The following SREK1IP1 variants were observed in gnomAD, a reference collection of about 807,000 sequenced individuals.
The protein encoded by SREK1IP1 is SREK1 interacting protein 1.
In SREK1IP1, 12 loss-of-function variants were observed where a neutral mutation model predicts 22.8. The observed-to-expected ratio is 0.53, with a 90% CI of 0.34 to 0.85. The LOEUF is 0.85. Among genes scored for constraint, SREK1IP1 ranks in the 40% least tolerant of loss-of-function variants. SREK1IP1 has a pLI of 0.02. For synonymous variants in SREK1IP1, 53 were observed against 52.7 expected (o/e 1.01, Z -0.02); for missense variants, 147 against 171.8 (o/e 0.86, Z 0.81).
At chr5:64,743,771 G>A (rs768734760) in intron 2 of SREK1IP1, among the ~76,000 whole-genome samples, 6 of 151,976 alleles carry the variant, frequency 3.9e-5, no homozygotes, top group Non-Finnish European at 7.4e-5. Context: ...TTTATTGTTC[G>A]TGAGTTTCCA....
intron 2 of SREK1IP1, among the ~76,000 whole-genome samples, chr5:64,743,746 A>G (rs1742587788): frequency 6.6e-6 from 1 of 152,212 alleles, no homozygotes; most frequent in East Asian, 1.9e-4. Context: ...GAAGATCATT[A>G]CTTTATCTTT....
intron 2 of SREK1IP1, among the ~76,000 whole-genome samples, chr5:64,742,317 G>GT (rs1474700740): frequency 2.0e-5 from 3 of 152,138 alleles, no homozygotes; most frequent in African/African-American, 7.2e-5. Context: ...CATGTACTAG[G>GT]TTTTCTTTAG....
At chr5:64,739,320 GAA>G (rs1742515782) in intron 3 of SREK1IP1, among the ~76,000 whole-genome samples, 1 of 152,078 alleles carries the variant, frequency 6.6e-6, no homozygotes, top group Non-Finnish European at 1.5e-5. Flanking sequence ...CCAGTCTAAA[GAA>G]CCTATGTTTT....
chr5:64,745,524 G>C (rs1001780204), intron 2 of SREK1IP1, among the ~76,000 whole-genome samples: 2 of 151,960 alleles, frequency 1.3e-5, no homozygotes, highest in African/African-American at 4.8e-5. Flanking sequence ...GGGAGGTGGA[G>C]GTTGCAGTGA....
intron 3 of SREK1IP1, 100 bp downstream of exon 3, chr5:64,740,957 A>G: frequency 2.7e-6 from 3 of 1,126,908 alleles, no homozygotes; most frequent in South Asian, 1.6e-5. Flanking sequence ...GCTCTTACAT[A>G]AACTATAAAA....
At chr5:64,758,039 AT>A (rs1742878218) in intron 1 of SREK1IP1, among the ~76,000 whole-genome samples, 2 of 150,352 alleles carry the variant, frequency 1.3e-5, no homozygotes, top group Non-Finnish European at 1.5e-5. Flanking sequence ...CGCCAGGCTA[AT>A]TTTTTGTATT....
intron 2 of SREK1IP1, 110 bp from the exon 3 acceptor site, chr5:64,741,310 T>C (rs1032906371): frequency 5.7e-6 from 6 of 1,045,410 alleles, no homozygotes; most frequent in African/African-American, 1.6e-5. Context: ...TTCAATAATA[T>C]AATGTAGAAA....
At chr5:64,761,752 G>A (rs138665677) in intron 1 of SREK1IP1, among the ~76,000 whole-genome samples, 1 of 152,342 alleles carries the variant, frequency 6.6e-6, no homozygotes, top group East Asian at 1.9e-4. Flanking sequence ...CCAGTTGCCA[G>A]CTAAGAAATA....
chr5:64,721,933 G>A lies in SREK1IP1; in HGVS notation c.*2451C>T, dbSNP rs1235559358. 1.3e-5 allele frequency: 2 copies of A among 152,070 alleles called. No individual in the cohort carries two copies. The highest frequency in any genetic ancestry group is 2.9e-5 in the Non-Finnish European group (2 of 68,012). The allele number at this position is 152,070 out of a possible 1,614,324, so 9.4% of individuals were successfully genotyped here. A position where few individuals can be genotyped will look rare whatever the true frequency, so the allele number is the denominator to read the frequency against. On this transcript the variant is annotated 3_prime_UTR_variant, in exon 5 of 5. Transcript: ENST00000513458. ...TATTTTATAGACGAAAGACACCAAG[G>A]CCCAGGGAAACTAAGTGACTTTGTT...
Position 64,740,010 on chromosome 5 carries a change from A to G in SREK1IP1, c.205+1047T>C, listed in dbSNP as rs77583584. Among the ~76,000 whole-genome samples the G allele has an allele frequency of 3.3e-5, 5 of 152,262 alleles. No homozygotes were observed. In the East Asian group the frequency reaches 9.6e-4, roughly 29 times the overall value. On this transcript the variant is annotated intron_variant, in intron 3 of 4. Transcript: ENST00000513458. ...CTAAGATTATATTCAAATAAGTTAT[A>G]TTTTATTTCAGAGTGATATTTACCA...
At chr5:64,739,799 C>T (rs1269432471) in intron 3 of SREK1IP1, among the ~76,000 whole-genome samples, 1 of 151,984 alleles carries the variant, frequency 6.6e-6, no homozygotes, top group African/African-American at 2.4e-5. Context: ...CTTGTTTGCC[C>T]TCTTTGGGAT....
chr5:64,741,920 G>A (rs916619757), intron 2 of SREK1IP1, among the ~76,000 whole-genome samples: 1 of 149,194 alleles, frequency 6.7e-6, no homozygotes, highest in Non-Finnish European at 1.5e-5. Flanking sequence ...TCGCATGCCT[G>A]TGCGCACACA....
chr5:64,739,599 T>A (rs1427577982), intron 3 of SREK1IP1, among the ~76,000 whole-genome samples: 1 of 152,180 alleles, frequency 6.6e-6, no homozygotes, highest in African/African-American at 2.4e-5. Flanking sequence ...TTATCACTCT[T>A]CTGCTTTTCA....
Position 64,728,105 on chromosome 5 carries a change from A to C in SREK1IP1, c.278+2T>G. 7.3e-7 allele frequency: 1 copy of C among 1,372,004 alleles called. No individual in the cohort carries two copies. Among genetic ancestry groups the C allele is most frequent in the Non-Finnish European group, 9.5e-7 (1 of 1,054,890 alleles). The allele number at this position is 1,372,004 out of a possible 1,614,324, so 85.0% of individuals were successfully genotyped here. ...TTTTTTAAAATGTTGTTCAAAAAATACCTTTTCCTTTTTTTTTTCAATTTG... is the reference window on the plus strand; with the variant it reads ...TTTTTTAAAATGTTGTTCAAAAAATCCCTTTTCCTTTTTTTTTTCAATTTG... On this transcript the variant is annotated splice_donor_variant, in intron 4 of 4. Coordinates refer to ENST00000513458, the MANE Select transcript of SREK1IP1 (RefSeq NM_173829.4). LOFTEE classifies it high-confidence loss of function.
chr5:64,760,333 C>G (rs1742925720), intron 1 of SREK1IP1, among the ~76,000 whole-genome samples: 1 of 152,204 alleles, frequency 6.6e-6, no homozygotes, highest in African/African-American at 2.4e-5. Flanking sequence ...AAGGAAATTA[C>G]TTCTCTTCTA....
At chr5:64,746,088 G>C (rs1742631458) in intron 2 of SREK1IP1, among the ~76,000 whole-genome samples, 1 of 152,176 alleles carries the variant, frequency 6.6e-6, no homozygotes, top group Admixed American at 6.5e-5. Flanking sequence ...AGCGAACTGA[G>C]TTTTAGCAAG....
In SREK1IP1 at chr5:64,720,930, C is replaced by G. The variant is rs1742152101; in HGVS notation, c.*3454G>C. ...TTAAAATGGTAGTCTCAATTCTTACCACTTCCTGCCTCGCCTATGATACAC... is the reference window on the plus strand; with the variant it reads ...TTAAAATGGTAGTCTCAATTCTTACGACTTCCTGCCTCGCCTATGATACAC... On this transcript the variant is annotated 3_prime_UTR_variant, in exon 5 of 5. Transcript: ENST00000513458. The G allele has an allele frequency of 2.0e-5, 3 of 152,222 alleles. No homozygotes were observed. In the South Asian group the frequency reaches 6.2e-4, roughly 32 times the overall value. 9.4% of individuals were successfully genotyped at this position (152,222 alleles called of 1,614,324 possible).
intron 1 of SREK1IP1, 31 bp from the exon 2 acceptor site, chr5:64,754,393 GTAAA>G (rs776934170): frequency 8.1e-6 from 13 of 1,602,014 alleles, no homozygotes; most frequent in Middle Eastern, 1.7e-4. Context: ...ATTTTAGGAA[GTAAA>G]TAAATATGCG....
At chr5:64,741,584 T>C (rs1742551923) in intron 2 of SREK1IP1, among the ~76,000 whole-genome samples, 1 of 152,120 alleles carries the variant, frequency 6.6e-6, no homozygotes, top group South Asian at 2.1e-4. Context: ...TCCCATACCT[T>C]TTCTTTCCCA....
Sources: gnomAD v4.1 joint callset for allele counts (sites outside exome capture counted in the v4.1 genomes callset) on GRCh38, gnomAD v4.1.1 for gene constraint, MANE v1.5 for transcripts, NCBI Gene and HGNC (gene_info 2026-07-23, HGNC 2026-07-21) for gene names.